The following SEMA3D variants were observed in gnomAD, a reference collection of about 807,000 sequenced individuals.
SEMA3D encodes the protein semaphorin 3D.
In SEMA3D, 84 loss-of-function variants were observed where a neutral mutation model predicts 100.1. The observed-to-expected ratio is 0.84, with a 90% confidence interval of 0.70 to 1.01. The LOEUF (loss-of-function observed/expected upper bound fraction) is 1.01. Among genes scored for constraint, SEMA3D ranks in the 50% least tolerant of loss-of-function variants. The pLI, the probability that SEMA3D is intolerant of heterozygous loss-of-function variation, is 0.00. For missense variants in SEMA3D, 875 were observed against 934.1 expected, an observed-to-expected ratio of 0.94 and a Z score of 0.82; for synonymous variants, 312 against 320.7, an observed-to-expected ratio of 0.97 and a Z score of 0.29.
At chr7:85,064,765 T>C (rs1033339019) in intron 8 of SEMA3D, among the ~76,000 whole-genome samples, 2 of 152,128 alleles carry the variant, frequency 1.3e-5, no homozygotes, top group Non-Finnish European at 2.9e-5. Context: ...AGGTGCCTTG[T>C]AGTGTTCCTT....
chr7:85,038,134 A>T (rs1463878736), intron 11 of SEMA3D, among the ~76,000 whole-genome samples: 1 of 152,142 alleles, frequency 6.6e-6, no homozygotes, highest in Non-Finnish European at 1.5e-5. Flanking sequence ...CCAACATGGC[A>T]CATGTATACG....
At chr7:85,232,021 C>T in the SEMA3D span, among the ~76,000 whole-genome samples, 1 of 152,064 alleles carries the variant, frequency 6.6e-6, no homozygotes, top group African/African-American at 2.4e-5. Context: ...AAGATTCACC[C>T]ACTCTATTTA....
At chr7:85,164,787 A>G (rs1350710477) in intron 1 of SEMA3D, among the ~76,000 whole-genome samples, 1 of 152,132 alleles carries the variant, frequency 6.6e-6, no homozygotes, top group East Asian at 1.9e-4. Flanking sequence ...TATTGATTTT[A>G]GAACTTAGAA....
chr7:85,015,654 T>C (rs957619734), intron 15 of SEMA3D, among the ~76,000 whole-genome samples: 15 of 151,964 alleles, frequency 9.9e-5, no homozygotes, highest in Middle Eastern at 3.4e-3. Context: ...TGATTTCAAT[T>C]AACCATTTCA....
the SEMA3D span, among the ~76,000 whole-genome samples, chr7:85,211,448 A>G: frequency 1.3e-5 from 2 of 152,046 alleles, no homozygotes; most frequent in Non-Finnish European, 2.9e-5. Flanking sequence ...TTGATACTTG[A>G]ATTATGAACA....
At chr7:85,205,768 T>G in the SEMA3D span, among the ~76,000 whole-genome samples, 3 of 152,120 alleles carry the variant, frequency 2.0e-5, no homozygotes, top group Non-Finnish European at 4.4e-5. Flanking sequence ...ATTATCCATG[T>G]AGGTGCTGCT....
intron 12 of SEMA3D, among the ~76,000 whole-genome samples, chr7:85,036,141 C>T (rs1474129067): frequency 6.6e-6 from 1 of 151,742 alleles, no homozygotes. Flanking sequence ...AAATTTTTTT[C>T]CTCTTTAATA....
chr7:85,106,481 TG>T (rs1788927277), intron 3 of SEMA3D, among the ~76,000 whole-genome samples: 1 of 152,072 alleles, frequency 6.6e-6, no homozygotes, highest in South Asian at 2.1e-4. Context: ...AAAAGTTATG[TG>T]TGTAATATAA....
At chr7:85,104,000 T>C (rs1788827197) in intron 3 of SEMA3D, among the ~76,000 whole-genome samples, 1 of 152,042 alleles carries the variant, frequency 6.6e-6, no homozygotes, top group Non-Finnish European at 1.5e-5. Context: ...AGTTTCTTCA[T>C]TTGTCTTTAT....
chr7:85,090,835 T>G (rs933056308), intron 4 of SEMA3D, among the ~76,000 whole-genome samples: 4 of 152,116 alleles, frequency 2.6e-5, no homozygotes, highest in Non-Finnish European at 5.9e-5. Context: ...GCTCTTTTTA[T>G]GTTAGACAAA....
rs776110750 is a variant in SEMA3D, at chr7:85,097,941, A to G, written c.176T>C (p.Ile59Thr). The part of the protein sequence containing the change: ...YKDLLLSNSC[I>T]PFLGSSEGLD... ...TCCTTCTGATGAACCCAAAAAGGGA[A>G]TACAGCTATTTGAAAGCAGCAAGTC... Residue 59 changes from isoleucine (I) to threonine (T), a missense_variant, in exon 4 of 19, where the codon ATT becomes ACT. Coordinates refer to ENST00000284136, the MANE Select transcript of SEMA3D (RefSeq NM_001384900.1). 3.1e-6 allele frequency: 5 copies of G among 1,592,068 alleles called. No individual in the cohort carries two copies. Among genetic ancestry groups the G allele is most frequent in the Non-Finnish European group, 4.3e-6 (5 of 1,166,764 alleles).
rs1376075338 is a variant in SEMA3D, at chr7:85,114,161, A to G, written c.151+7580T>C. 2.6e-5 allele frequency among the ~76,000 whole-genome samples: 4 copies of G among 152,140 alleles called. No homozygotes were observed. In the East Asian group the frequency reaches 7.7e-4, roughly 29 times the overall value. ...TGTGATTCTTACTTCAGAAGCAGGA[A>G]CGTGGTATATAAGCAATTTGCCCCA... On this transcript the variant is annotated intron_variant, in intron 3 of 18. Coordinates refer to ENST00000284136, the MANE Select transcript of SEMA3D (RefSeq NM_001384900.1).
chr7:85,050,947 A>T (rs1318639883), intron 9 of SEMA3D, among the ~76,000 whole-genome samples: 1 of 151,884 alleles, frequency 6.6e-6, no homozygotes, highest in Non-Finnish European at 1.5e-5. Flanking sequence ...ATGTGTGTGT[A>T]TGTGTGCACA....
chr7:85,051,962 T>C (rs1791177288), intron 9 of SEMA3D, among the ~76,000 whole-genome samples: 1 of 151,912 alleles, frequency 6.6e-6, no homozygotes, highest in Non-Finnish European at 1.5e-5. Context: ...AACACTAACA[T>C]CTACATGGCG....
intron 4 of SEMA3D, among the ~76,000 whole-genome samples, chr7:85,083,210 C>T (rs1308580819): frequency 6.6e-6 from 1 of 151,998 alleles, no homozygotes. Flanking sequence ...AAATGGGAAA[C>T]GAGGGGAAGG....
At chr7:85,036,264 A>G (rs928802774) in intron 12 of SEMA3D, among the ~76,000 whole-genome samples, 4 of 152,078 alleles carry the variant, frequency 2.6e-5, no homozygotes, top group Non-Finnish European at 5.9e-5. Flanking sequence ...TTTGAACTGC[A>G]GTTGTTTTTT....
chr7:85,220,555 T>C, the SEMA3D span, among the ~76,000 whole-genome samples: 1 of 152,016 alleles, frequency 6.6e-6, no homozygotes, highest in African/African-American at 2.4e-5. Flanking sequence ...GTTCTGCACC[T>C]TGCTTACTGT....
the SEMA3D span, among the ~76,000 whole-genome samples, chr7:85,238,572 A>G: frequency 6.6e-6 from 1 of 152,150 alleles, no homozygotes; most frequent in African/African-American, 2.4e-5. Flanking sequence ...TCTTCCTCCA[A>G]TACAACACTG....
At chr7:85,024,317 C>A (rs374898138) in intron 12 of SEMA3D, among the ~76,000 whole-genome samples, 1 of 151,804 alleles carries the variant, frequency 6.6e-6, no homozygotes, top group South Asian at 2.1e-4. Flanking sequence ...TTTGCCTGCA[C>A]ACAGTTTTTA....
Sources: gnomAD v4.1 joint callset for allele counts (sites outside exome capture counted in the v4.1 genomes callset) on GRCh38, gnomAD v4.1.1 for gene constraint, MANE v1.5 for transcripts, NCBI Gene and HGNC (gene_info 2026-07-23, HGNC 2026-07-21) for gene names.